Variants in PAIP2 observed in about 807,000 individuals in gnomAD.
PAIP2 encodes the protein polyadenylate-binding protein-interacting protein 2.
A neutral mutation model predicts 14.8 loss-of-function variants in PAIP2; 7 were observed. The ratio of observed to expected loss-of-function variants is 0.47; its 90% CI spans 0.27 to 0.89. The LOEUF is 0.89. Among genes scored for constraint, PAIP2 ranks in the 40% least tolerant of loss-of-function variants. The pLI is 0.13. For missense variants in PAIP2, 122 were observed against 154.7 expected (o/e 0.79, Z 1.12); for synonymous variants, 47 against 45.3 (o/e 1.04, Z -0.15).
In PAIP2 at chr5:139,368,736, A is replaced by G; in HGVS notation, c.322A>G (p.Lys108Glu). 6.2e-7 allele frequency: 1 copy of G among 1,612,376 alleles called. No individual in the cohort carries two copies. Among genetic ancestry groups the G allele is most frequent in the Non-Finnish European group, 8.5e-7 (1 of 1,178,570 alleles). The change falls in exon 4 of 4, where the codon AAG becomes GAG. Residue 108 changes from lysine to glutamate, a missense_variant. Around this residue, in one of 3 missense-constraint regions of PAIP2, gnomAD observed 46 missense variants for 44.0 expected, o/e 1.05. Transcript: ENST00000265192. ...TTTTTATGTACTTATTTTCCAGGTC[A>G]AGAGCAATCTGAATCCAAATGCAAA... ...DGSSLEDLVV[K>E]SNLNPNAKEF...
chr5:139,355,346 A>G (rs1270882570), intron 1 of PAIP2, among the ~76,000 whole-genome samples: 1 of 151,002 alleles, frequency 6.6e-6, no homozygotes, highest in Non-Finnish European at 1.5e-5. Context: ...AATTTTTTGT[A>G]TTTTTAGTAG....
At chr5:139,350,726 GA>G (rs918001022) in intron 1 of PAIP2, among the ~76,000 whole-genome samples, 1 of 151,774 alleles carries the variant, frequency 6.6e-6, no homozygotes, top group Non-Finnish European at 1.5e-5. Flanking sequence ...AAAAAAAGAA[GA>G]AAAAAATAGA....
chr5:139,348,261 T>A (rs1756617565), intron 1 of PAIP2, among the ~76,000 whole-genome samples: 2 of 151,942 alleles, frequency 1.3e-5, no homozygotes, highest in Non-Finnish European at 2.9e-5. Flanking sequence ...TGATCTTGGC[T>A]CACTGCAGCC....
chr5:139,347,767 C>T (rs1226541615), intron 1 of PAIP2, among the ~76,000 whole-genome samples: 1 of 150,284 alleles, frequency 6.7e-6, no homozygotes. Flanking sequence ...AACTGTGGTA[C>T]ATCCATAAAA....
chr5:139,346,533 G>A (rs1017037615), intron 1 of PAIP2, among the ~76,000 whole-genome samples: 2 of 149,450 alleles, frequency 1.3e-5, no homozygotes, highest in Non-Finnish European at 3.0e-5. Flanking sequence ...ACCGCACCTG[G>A]CCTATTTTTA....
At chr5:139,353,107 CAAA>C (rs78396923) in intron 1 of PAIP2, among the ~76,000 whole-genome samples, 1 of 129,992 alleles carries the variant, frequency 7.7e-6, no homozygotes. Context: ...AACTCTGTCT[CAAA>C]AAAAAAAAAA....
At chr5:139,350,175 CAA>C (rs1223498671) in intron 1 of PAIP2, among the ~76,000 whole-genome samples, 18 of 66,546 alleles carry the variant, frequency 2.7e-4, no homozygotes, top group Admixed American at 6.8e-4. Context: ...GACTCTGTCT[CAA>C]AAAAAAAAAA....
chr5:139,347,975 G>A (rs745917065), intron 1 of PAIP2, among the ~76,000 whole-genome samples: 3 of 151,848 alleles, frequency 2.0e-5, no homozygotes, highest in Non-Finnish European at 2.9e-5. Context: ...AGTTCTAGAC[G>A]AGCCTGGCCA....
At chr5:139,343,908 G>T (rs912318054) in intron 1 of PAIP2, among the ~76,000 whole-genome samples, 1 of 151,986 alleles carries the variant, frequency 6.6e-6, no homozygotes, top group Non-Finnish European at 1.5e-5. Context: ...AGTAGAGACA[G>T]GGTTTCACCG....
chr5:139,354,871 A>G (rs1229303516), intron 1 of PAIP2, among the ~76,000 whole-genome samples: 1 of 141,784 alleles, frequency 7.1e-6, no homozygotes, highest in African/African-American at 2.7e-5. Flanking sequence ...CCCGGGCTGG[A>G]GTGCAGTGGC....
rs1164671531 is a variant in PAIP2 at position 139,369,242 on chromosome 5, T to G, written c.*444T>G. On this transcript the variant is annotated 3_prime_UTR_variant, in exon 4 of 4. Transcript: ENST00000265192. ...GAATCTCCATTTTCTGAAGGTCTGTTAGTTAATTTGAGATAATTTGTTAAA... is the reference window on the plus strand; with the variant it reads ...GAATCTCCATTTTCTGAAGGTCTGTGAGTTAATTTGAGATAATTTGTTAAA... The G allele has an allele frequency of 6.5e-6, 1 of 153,690 alleles. No homozygotes were observed. The highest frequency in any genetic ancestry group is 1.5e-5 in the Non-Finnish European group (1 of 68,806). 9.5% of individuals were successfully genotyped at this position (153,690 alleles called of 1,614,324 possible). A position where few individuals can be genotyped will look rare whatever the true frequency, so the allele number is the denominator to read the frequency against.
intron 1 of PAIP2, among the ~76,000 whole-genome samples, chr5:139,357,746 G>A (rs952690649): frequency 6.6e-6 from 1 of 152,200 alleles, no homozygotes; most frequent in Non-Finnish European, 1.5e-5. Context: ...AAGGAGAATC[G>A]CTTGAACCTA....
chr5:139,353,708 T>C (rs1269691689), intron 1 of PAIP2, among the ~76,000 whole-genome samples: 1 of 148,002 alleles, frequency 6.8e-6, no homozygotes, highest in Non-Finnish European at 1.5e-5. Flanking sequence ...ATTCTTATAT[T>C]ATGCATTGTC....
intron 1 of PAIP2, among the ~76,000 whole-genome samples, chr5:139,344,585 G>C (rs529346699): frequency 1.3e-5 from 2 of 152,346 alleles, no homozygotes; most frequent in East Asian, 3.9e-4. Flanking sequence ...AAATAGATCT[G>C]TGTAGCCGAT....
At chr5:139,359,402 G>T (rs1023966495) in intron 1 of PAIP2, among the ~76,000 whole-genome samples, 3 of 152,064 alleles carry the variant, frequency 2.0e-5, no homozygotes, top group African/African-American at 7.2e-5. Context: ...GCCTCCCAAA[G>T]TGCTCGGATT....
At position 139,363,818 on chromosome 5, in the gene PAIP2, A is replaced by G. The variant is rs1392519424; in HGVS notation, c.34A>G (p.Ser12Gly). The G allele has an allele frequency of 5.6e-6, 9 of 1,614,150 alleles. No individual in the cohort carries two copies. The South Asian group carries it at 6.6e-5, about 12-fold the overall frequency. Residue 12 changes from serine to glycine, a missense_variant, in exon 2 of 4, where the codon AGC (serine) becomes GGC (glycine). By Grantham distance (56) the Ser-to-Gly change is moderately conservative. Transcript: ENST00000265192. ...KDPSRSSTSP[S>G]IINEDVIING... ...TCCAAGTCGCAGCAGTACTAGCCCA[A>G]GCATCATCAATGAAGATGTGATTAT...
intron 3 of PAIP2, among the ~76,000 whole-genome samples, chr5:139,368,413 C>T (rs955053761): frequency 6.6e-6 from 1 of 152,026 alleles, no homozygotes; most frequent in Non-Finnish European, 1.5e-5. Flanking sequence ...CCTGTAGTCC[C>T]AGCTACTCAG....
intron 1 of PAIP2, among the ~76,000 whole-genome samples, chr5:139,362,881 A>G (rs1448915940): frequency 2.0e-5 from 3 of 152,164 alleles, no homozygotes; most frequent in Non-Finnish European, 2.9e-5. Context: ...GTAATATAAA[A>G]TATAAATTGG....
At chr5:139,353,960 G>A (rs963280958) in intron 1 of PAIP2, among the ~76,000 whole-genome samples, 4 of 152,134 alleles carry the variant, frequency 2.6e-5, no homozygotes, top group African/African-American at 4.8e-5. Flanking sequence ...GACCTCAGGT[G>A]ATCCACCCAC....
Sources: allele counts gnomAD v4.1 joint callset (sites outside exome capture counted in the v4.1 genomes callset), GRCh38; gene constraint gnomAD v4.1.1; regional missense constraint gnomAD v4.1.1; transcripts MANE v1.5; gene names NCBI Gene and HGNC (gene_info 2026-07-23, HGNC 2026-07-21).